PTPRR: variants seen among roughly 807,000 people sequenced by gnomAD.
PTPRR encodes the protein protein tyrosine phosphatase receptor type R.
In PTPRR, 38 loss-of-function variants were observed where a neutral mutation model predicts 77.2. That is an observed-to-expected ratio of 0.49 (90% CI 0.38 to 0.65). The LOEUF (loss-of-function observed/expected upper bound fraction) is 0.65. Ranked by LOEUF, PTPRR falls within the 30% of genes least tolerant of loss-of-function variation. The probability of loss-of-function intolerance (pLI) is 0.00; values close to 1 mark genes in which losing one functional copy is unlikely to be tolerated. For synonymous variants in PTPRR, 299 were observed against 283.1 expected (o/e 1.06, Z -0.57); for missense variants, 744 against 799.2 (o/e 0.93, Z 0.83).
intron 2 of PTPRR, among the ~76,000 whole-genome samples, chr12:70,848,914 T>C (rs1892529099): frequency 6.6e-6 from 1 of 152,234 alleles, no homozygotes; most frequent in South Asian, 2.1e-4. Context: ...TGGGAATTAT[T>C]AAAGTTTTCA....
At position 70,701,163 on chromosome 12, in the gene PTPRR, A is replaced by T. The variant is rs774295719; in HGVS notation, c.1168T>A (p.Ser390Thr). Residue 390 changes from serine (S) to threonine (T), a missense_variant, in exon 7 of 14, where the codon TCA (serine) becomes ACA (threonine). Physicochemically the swap from Ser to Thr is moderately conservative, Grantham distance 58 (BLOSUM62 1). This residue lies in a region of PTPRR where 570 missense variants were observed against 573.2 expected (regional missense o/e 0.99). Coordinates refer to ENST00000283228, the MANE Select transcript of PTPRR (RefSeq NM_002849.4). ...RSQLRDVVAS[S>T]HLLQSEFMEI... is the part of the protein sequence containing the mutation. ...ATGAATTCACTTTGGAGTAAATGTG[A>T]ACTTGCCACGACGTCCCTCAGCTGA... is the stretch of plus-strand genomic sequence containing the variant. The T allele has an allele frequency of 1.2e-6, 2 of 1,613,940 alleles. No individual in the cohort carries two copies. The highest frequency in any genetic ancestry group is 1.7e-6 in the Non-Finnish European group (2 of 1,179,904).
chr12:70,641,490 C>T (rs1010219357), intron 13 of PTPRR, among the ~76,000 whole-genome samples: 1 of 152,154 alleles, frequency 6.6e-6, no homozygotes, highest in Non-Finnish European at 1.5e-5. Flanking sequence ...AGTATATTTA[C>T]TATGACATTC....
At chr12:70,653,156 C>G (rs189702697) in intron 13 of PTPRR, among the ~76,000 whole-genome samples, 54 of 152,202 alleles carry the variant, frequency 3.5e-4, no homozygotes, top group African/African-American at 1.2e-3. Flanking sequence ...CAGGTGGCAG[C>G]CTTGTCTACA....
chr12:70,848,718 A>C (rs1892525874), intron 2 of PTPRR, among the ~76,000 whole-genome samples: 1 of 152,202 alleles, frequency 6.6e-6, no homozygotes, highest in Admixed American at 6.6e-5. Context: ...TTATACTAAA[A>C]ATGTTTTGAA....
rs557244586 is a variant in PTPRR, at chr12:70,769,605, A to G, written c.358-4827T>C. 1.5e-3 allele frequency among the ~76,000 whole-genome samples: 233 copies of G among 152,298 alleles called. 2 individuals carry two copies. The highest frequency in any genetic ancestry group is 4.8e-3 in the African/African-American group (201 of 41,542). ...CTGCCCAAGGTAATTTATAGATTCA[A>G]TGCCATCCCCATCAAGCTACCAATG... is the stretch of plus-strand genomic sequence containing the variant. On this transcript the variant is annotated intron_variant, in intron 2 of 13. Coordinates refer to ENST00000283228, the MANE Select transcript of PTPRR (RefSeq NM_002849.4).
chr12:70,884,653 G>C (rs907077932), intron 2 of PTPRR, among the ~76,000 whole-genome samples: 1 of 151,820 alleles, frequency 6.6e-6, no homozygotes, highest in African/African-American at 2.4e-5. Context: ...GGATCACGAG[G>C]TCAGTAAATC....
At chr12:70,861,923 C>A (rs2137079627) in intron 2 of PTPRR, among the ~76,000 whole-genome samples, 1 of 152,202 alleles carries the variant, frequency 6.6e-6, no homozygotes, top group South Asian at 2.1e-4. Flanking sequence ...AGAAATGGAG[C>A]AAATGCTCAG....
At chr12:70,715,480 G>A (rs1223366616) in intron 6 of PTPRR, among the ~76,000 whole-genome samples, 1 of 152,090 alleles carries the variant, frequency 6.6e-6, no homozygotes, top group Non-Finnish European at 1.5e-5. Context: ...AATTTATTAG[G>A]TGGGAATTTC....
intron 10 of PTPRR, among the ~76,000 whole-genome samples, chr12:70,678,448 C>CT (rs1887531350): frequency 1.3e-5 from 2 of 151,238 alleles, no homozygotes; most frequent in South Asian, 2.1e-4. Context: ...GGAATTTATT[C>CT]ATTTTTTTTT....
At chr12:70,796,446 A>G (rs1419978698) in intron 2 of PTPRR, among the ~76,000 whole-genome samples, 1 of 152,138 alleles carries the variant, frequency 6.6e-6, no homozygotes, top group Non-Finnish European at 1.5e-5. Flanking sequence ...GACAAAATAG[A>G]TATGTGATTT....
intron 1 of PTPRR, among the ~76,000 whole-genome samples, chr12:70,905,804 A>G (rs1893612799): frequency 6.6e-6 from 1 of 152,058 alleles, no homozygotes; most frequent in South Asian, 2.1e-4. Context: ...AAGAAAGAAT[A>G]AAACAGTGGT....
intron 6 of PTPRR, among the ~76,000 whole-genome samples, chr12:70,715,241 G>C (rs1174397434): frequency 5.9e-5 from 9 of 152,182 alleles, no homozygotes; most frequent in African/African-American, 1.9e-4. Context: ...GTTTTTATTA[G>C]GGAGTTTCAA....
chr12:70,814,637 G>C (rs571598848), intron 2 of PTPRR, among the ~76,000 whole-genome samples: 1 of 152,090 alleles, frequency 6.6e-6, no homozygotes, highest in Non-Finnish European at 1.5e-5. Context: ...GGGCCGGCCC[G>C]GCTTTGGCTT....
At position 70,851,309 on chromosome 12, in the gene PTPRR, A is replaced by G. The variant is rs148429207; in HGVS notation, c.357+41370T>C. Among the ~76,000 whole-genome samples the G allele has an allele frequency of 3.2e-3, 487 of 152,278 alleles. 9 individuals carry two copies. The East Asian group carries it at 0.037, about 12-fold the overall frequency. On this transcript the variant is annotated intron_variant, in intron 2 of 13. Transcript: ENST00000283228. ...CAGACAAAAATAAGTGAGAATGAGA[A>G]TCCATATTCCAATGTCTTCACAGAA...
intron 10 of PTPRR, among the ~76,000 whole-genome samples, chr12:70,667,634 A>G (rs924133365): frequency 6.6e-6 from 1 of 152,088 alleles, no homozygotes; most frequent in African/African-American, 2.4e-5. Context: ...TCTATCTTGA[A>G]TGGATTCGTG....
At chr12:70,731,510 C>T (rs182348994) in intron 6 of PTPRR, among the ~76,000 whole-genome samples, 45 of 152,312 alleles carry the variant, frequency 3.0e-4, no homozygotes, top group Admixed American at 5.9e-4. Context: ...TGCATATTTA[C>T]GCTGTATTAA....
In PTPRR at chr12:70,911,458, G is replaced by T. The variant is rs148725166; in HGVS notation, c.58+8875C>A. 3.0e-3 allele frequency among the ~76,000 whole-genome samples: 456 copies of T among 152,270 alleles called. 2 individuals are homozygous for T. The highest frequency in any genetic ancestry group is 0.02 in the Middle Eastern group (6 of 294). On this transcript the variant is annotated intron_variant, in intron 1 of 13. Coordinates refer to ENST00000283228, the MANE Select transcript of PTPRR (RefSeq NM_002849.4). ...TAGACTGCCTGCTAAGCAAGGCAGTGCAGTAGGAACTAGGCACTTCAGATT... is the reference window on the plus strand; with the variant it reads ...TAGACTGCCTGCTAAGCAAGGCAGTTCAGTAGGAACTAGGCACTTCAGATT...
intron 2 of PTPRR, among the ~76,000 whole-genome samples, chr12:70,853,059 A>T (rs995971044): frequency 6.6e-6 from 1 of 152,182 alleles, no homozygotes; most frequent in African/African-American, 2.4e-5. Context: ...TTTATTCCTC[A>T]CTACAATCCT....
chr12:70,879,652 T>G (rs2137102322), intron 2 of PTPRR, among the ~76,000 whole-genome samples: 1 of 152,298 alleles, frequency 6.6e-6, no homozygotes, highest in Non-Finnish European at 1.5e-5. Context: ...TTAAGAAATA[T>G]AGTTTCTTTT....
Sources: gnomAD v4.1 joint callset for allele counts (sites outside exome capture counted in the v4.1 genomes callset) on GRCh38, gnomAD v4.1.1 for gene constraint, gnomAD v4.1.1 regional missense constraint, MANE v1.5 for transcripts, NCBI Gene and HGNC (gene_info 2026-07-23, HGNC 2026-07-21) for gene names.